The following NEO1 variants were observed in gnomAD, a reference collection of about 807,000 sequenced individuals.
NEO1 encodes neogenin 1.
Under a neutral mutation model 159.7 loss-of-function variants are expected in NEO1, and 63 were observed. The observed-to-expected ratio is 0.39, with a 90% CI of 0.32 to 0.49. NEO1 has a LOEUF of 0.49. NEO1 is among the 20% of genes least tolerant of loss of function. The probability of loss-of-function intolerance (pLI) is 0.85; values close to 1 mark genes in which losing one functional copy is unlikely to be tolerated. For missense variants in NEO1, 1,615 were observed against 1,831.0 expected, an observed-to-expected ratio of 0.88 and a Z score of 2.15; for synonymous variants, 633 against 662.0, an observed-to-expected ratio of 0.96 and a Z score of 0.67.
intron 7 of NEO1, among the ~76,000 whole-genome samples, chr15:73,230,026 C>G (rs112064233): frequency 4.6e-5 from 7 of 151,968 alleles, no homozygotes; most frequent in African/African-American, 1.7e-4. Context: ...TTTTCTTTGT[C>G]GGGCTTTGAT....
At chr15:73,177,864 A>G (rs1019851612) in intron 6 of NEO1, among the ~76,000 whole-genome samples, 2 of 152,174 alleles carry the variant, frequency 1.3e-5, no homozygotes, top group African/African-American at 4.8e-5. Flanking sequence ...TGACATTCAT[A>G]TAGTACTTTT....
chr15:73,272,514 A>G lies in NEO1; in HGVS notation c.2917A>G (p.Ile973Val), dbSNP rs142916392. 8 of 1,613,980 alleles carry G rather than the reference A, an allele frequency of 5.0e-6. No homozygotes were observed. The highest frequency in any genetic ancestry group is 5.9e-6 in the Non-Finnish European group (7 of 1,179,950). Residue 973 changes from isoleucine (I) to valine (V), a missense_variant, in exon 19 of 29, where the codon ATA (isoleucine) becomes GTA (valine). Ile to Val is a conservative substitution (Grantham distance 29). Coordinates refer to ENST00000261908, the MANE Select transcript of NEO1 (RefSeq NM_002499.4). Reference protein sequence around the residue: ...VVSKEGKPKTIIVNWQPPSEA... With the variant: ...VVSKEGKPKTVIVNWQPPSEA... ...GAGTAAAGAGGGGAAACCTAAGACC[A>G]TAATTGTGAATTGGCAGCCTCCCTC...
intron 5 of NEO1, among the ~76,000 whole-genome samples, chr15:73,173,178 T>TC (rs1418139784): frequency 6.6e-6 from 1 of 152,176 alleles, no homozygotes; most frequent in East Asian, 1.9e-4. Flanking sequence ...AAATGAAGAC[T>TC]CCAAGTTCTT....
chr15:73,292,041 C>T (rs919539279), intron 25 of NEO1, among the ~76,000 whole-genome samples: 9 of 152,202 alleles, frequency 5.9e-5, no homozygotes, highest in African/African-American at 1.4e-4. Context: ...GTTTTATTCC[C>T]GGGCACAACC....
In NEO1 at chr15:73,220,773, C is replaced by T. The variant is rs549406080; in HGVS notation, c.1292-15574C>T. Among the ~76,000 whole-genome samples, 320 of 152,306 alleles carry T rather than the reference C, an allele frequency of 2.1e-3. 2 individuals are homozygous for T. The highest frequency in any genetic ancestry group is 4.9e-3 in the Admixed American group (75 of 15,298). ...TAGTTCTCGAGCCTTGCTTTCAGCTCCATCAGCTCCTTTAAGCACTTCTCT... is the reference window on the plus strand; with the variant it reads ...TAGTTCTCGAGCCTTGCTTTCAGCTTCATCAGCTCCTTTAAGCACTTCTCT... On this transcript the variant is annotated intron_variant, in intron 7 of 28. Transcript: ENST00000261908.
chr15:73,085,255 A>G (rs1381719214), intron 1 of NEO1, among the ~76,000 whole-genome samples: 1 of 152,190 alleles, frequency 6.6e-6, no homozygotes, highest in East Asian at 1.9e-4. Flanking sequence ...CACCAAGCAT[A>G]ATGCCTTTAT....
chr15:73,058,327 G>A (rs555229108), intron 1 of NEO1, among the ~76,000 whole-genome samples: 1 of 152,322 alleles, frequency 6.6e-6, no homozygotes, highest in East Asian at 1.9e-4. Context: ...TGAGGAAACT[G>A]AGTCTCAGAT....
intron 7 of NEO1, among the ~76,000 whole-genome samples, chr15:73,218,322 G>T (rs1411173418): frequency 1.3e-5 from 2 of 148,758 alleles, no homozygotes; most frequent in South Asian, 2.2e-4. Context: ...GCTGGATTCG[G>T]TTTGCCAGTA....
At chr15:73,240,672 A>G (rs1035814714) in intron 8 of NEO1, among the ~76,000 whole-genome samples, 1 of 152,220 alleles carries the variant, frequency 6.6e-6, no homozygotes, top group African/African-American at 2.4e-5. Flanking sequence ...TCAGGGAGAC[A>G]AAATTGGGTA....
chr15:73,212,638 T>C (rs1362077212), intron 7 of NEO1, among the ~76,000 whole-genome samples: 1 of 152,140 alleles, frequency 6.6e-6, no homozygotes, highest in African/African-American at 2.4e-5. Context: ...ACTCAGCATT[T>C]CCACTTCTAG....
chr15:73,241,081 A>G (rs951138361), intron 8 of NEO1, among the ~76,000 whole-genome samples: 30 of 152,186 alleles, frequency 2.0e-4, no homozygotes, highest in African/African-American at 7.0e-4. Flanking sequence ...AGGTGGCACC[A>G]TATGCCTTGG....
At chr15:73,235,672 A>C (rs1374712787) in intron 7 of NEO1, among the ~76,000 whole-genome samples, 1 of 152,260 alleles carries the variant, frequency 6.6e-6, no homozygotes, top group Non-Finnish European at 1.5e-5. Context: ...TGAATTGACA[A>C]AACAGCAAGG....
chr15:73,085,687 G>C (rs1417375227), intron 1 of NEO1, among the ~76,000 whole-genome samples: 1 of 152,122 alleles, frequency 6.6e-6, no homozygotes. Context: ...TTTTAGTGAT[G>C]TCTCATAGTT....
chr15:73,178,280 A>C, intron 6 of NEO1, 27 bp from the exon 7 acceptor site: 1 of 1,597,860 alleles, frequency 6.3e-7, no homozygotes, highest in Non-Finnish European at 8.6e-7. Context: ...TAAATTATGT[A>C]ATTTTATTTA....
chr15:73,271,716 G>A (rs965001651), intron 18 of NEO1, among the ~76,000 whole-genome samples: 3 of 152,090 alleles, frequency 2.0e-5, no homozygotes, highest in African/African-American at 7.2e-5. Context: ...AGACCAGCCT[G>A]GCCAACATGG....
intron 1 of NEO1, among the ~76,000 whole-genome samples, chr15:73,069,719 C>A (rs2068443715): frequency 6.6e-6 from 1 of 151,912 alleles, no homozygotes; most frequent in African/African-American, 2.4e-5. Context: ...ATAATTTACC[C>A]ATGTTACACA....
rs1174241855 is a variant in NEO1 at position 73,249,630 on chromosome 15, A to G, written c.1803A>G (p.Lys601=). 1 of 1,613,612 alleles carries G rather than the reference A, an allele frequency of 6.2e-7. No homozygotes were observed. Among genetic ancestry groups the G allele is most frequent in the Non-Finnish European group, 8.5e-7 (1 of 1,179,788 alleles). The part of the protein sequence containing the change: ...SHSYTINGLK[K]YTEYSFRVVA... The stretch of plus-strand genomic sequence containing the variant: ...CTTACACCATTAATGGGTTGAAAAA[A>G]TATACAGAGTATAGTTTCCGAGTGG... Residue 601 remains lysine, a synonymous_variant, in exon 11 of 29, where the codon AAA becomes AAG. Coordinates refer to ENST00000261908, the MANE Select transcript of NEO1 (RefSeq NM_002499.4).
intron 7 of NEO1, among the ~76,000 whole-genome samples, chr15:73,223,296 C>A (rs1351576206): frequency 1.3e-5 from 2 of 152,122 alleles, no homozygotes; most frequent in Non-Finnish European, 2.9e-5. Flanking sequence ...CTGTTAAGTC[C>A]ATTTGTTCCA....
intron 7 of NEO1, among the ~76,000 whole-genome samples, chr15:73,192,767 T>C (rs1371827217): frequency 2.0e-5 from 3 of 151,978 alleles, no homozygotes; most frequent in Non-Finnish European, 2.9e-5. Flanking sequence ...AGGAAAGATA[T>C]AAATGTCTGT....
Sources: allele counts gnomAD v4.1 joint callset (sites outside exome capture counted in the v4.1 genomes callset), GRCh38; gene constraint gnomAD v4.1.1; transcripts MANE v1.5; gene names NCBI Gene and HGNC (gene_info 2026-07-23, HGNC 2026-07-21).